DPF3: variants seen among roughly 807,000 people sequenced by gnomAD.
DPF3 encodes the protein zinc finger protein DPF3.
In DPF3, 18 loss-of-function variants were observed where a neutral mutation model predicts 56.8. The observed-to-expected ratio is 0.32, with a 90% CI of 0.22 to 0.47. The LOEUF is 0.47. DPF3 is among the 20% of genes least tolerant of loss of function. DPF3 has a pLI of 1.00. For synonymous variants in DPF3, 188 were observed against 180.2 expected (o/e 1.04, Z -0.35); for missense variants, 403 against 488.8 (o/e 0.82, Z 1.65).
rs574066727 is a variant in DPF3 at position 72,893,065 on chromosome 14, T to C, written c.32+992A>G. 6.4e-4 allele frequency among the ~76,000 whole-genome samples: 98 copies of C among 152,246 alleles called. 2 individuals are homozygous for C. The East Asian group carries it at 8.7e-3, about 14-fold the overall frequency. ...AAGGCAGGCAGGCAGAAATTGGCTGTTGGACCCGGGGCTGGCCCCCGCGAG... is the reference window on the plus strand; with the variant it reads ...AAGGCAGGCAGGCAGAAATTGGCTGCTGGACCCGGGGCTGGCCCCCGCGAG... On this transcript the variant is annotated intron_variant, in intron 1 of 10. Transcript: ENST00000556509.
intron 1 of DPF3, among the ~76,000 whole-genome samples, chr14:72,871,029 C>T: frequency 6.6e-6 from 1 of 151,916 alleles, no homozygotes; most frequent in Non-Finnish European, 1.5e-5. Context: ...GCACTTCTTA[C>T]ATGGTGGCAG....
intron 3 of DPF3, among the ~76,000 whole-genome samples, chr14:72,745,890 C>T (rs892867903): frequency 1.3e-5 from 2 of 152,180 alleles, no homozygotes; most frequent in African/African-American, 4.8e-5. Context: ...TGTTAACCCT[C>T]CTGAGGGAGG....
At chr14:72,880,258 T>C (rs1284898349) in intron 1 of DPF3, among the ~76,000 whole-genome samples, 1 of 152,232 alleles carries the variant, frequency 6.6e-6, no homozygotes, top group East Asian at 1.9e-4. Flanking sequence ...GAGTGTCTTC[T>C]CAGCCTCCTG....
chr14:72,806,115 A>G (rs1260638451), intron 1 of DPF3: 3 of 152,226 alleles, frequency 2.0e-5, no homozygotes, highest in Admixed American at 1.3e-4. Context: ...CAAAGGGCCT[A>G]TCTAGCAATG....
intron 1 of DPF3, among the ~76,000 whole-genome samples, chr14:72,785,308 T>A (rs887452577): frequency 2.0e-5 from 3 of 152,118 alleles, no homozygotes; most frequent in Admixed American, 6.5e-5. Context: ...CAACTTGTAA[T>A]TGTATTATTC....
At chr14:72,670,598 T>C (rs1187396517) in intron 8 of DPF3, 4 of 988,150 alleles carry the variant, frequency 4.0e-6, no homozygotes, top group African/African-American at 1.7e-5. Flanking sequence ...GCGGCTTGCC[T>C]CTAAACAGGA....
intron 1 of DPF3, among the ~76,000 whole-genome samples, chr14:72,804,178 AG>A (rs1333342692): frequency 7.7e-6 from 1 of 130,630 alleles, no homozygotes; most frequent in African/African-American, 3.5e-5. Context: ...ACTGCTTTCC[AG>A]GACACACACA....
intron 6 of DPF3, among the ~76,000 whole-genome samples, chr14:72,701,480 C>T (rs1244042221): frequency 2.6e-4 from 39 of 152,194 alleles, no homozygotes; most frequent in Non-Finnish European, 4.4e-5. Flanking sequence ...CCTTCAGTGC[C>T]GCTCCAAAAT....
At position 72,823,791 on chromosome 14, in the gene DPF3, G is replaced by A. The variant is rs544235395; in HGVS notation, c.33-51898C>T. Among the ~76,000 whole-genome samples the A allele has an allele frequency of 2.1e-4, 32 of 152,344 alleles. 1 individual carries two copies. The South Asian group carries it at 5.2e-3, about 25-fold the overall frequency. ...ATACTTGTTTGCAATAAAACAGAGA[G>A]TAGGAAACTCCATTCTTACCTTCAT... On this transcript the variant is annotated intron_variant, in intron 1 of 10. Transcript: ENST00000556509.
At chr14:72,774,890 G>A (rs1891689968) in intron 1 of DPF3, among the ~76,000 whole-genome samples, 2 of 152,144 alleles carry the variant, frequency 1.3e-5, no homozygotes, top group Non-Finnish European at 1.5e-5. Context: ...CAAAAATAAA[G>A]AACCACTTTT....
At position 72,612,495 on chromosome 14, in the gene DPF3, T is replaced by C. The variant is rs1883791460; in HGVS notation, c.*6802A>G. The stretch of plus-strand genomic sequence containing the variant: ...ACATGTTGAAAATGTGCACGGGGTA[T>C]ATTTTCTTTTTCCTATACGCCACTG... On this transcript the variant is annotated 3_prime_UTR_variant, in exon 11 of 11. Coordinates refer to ENST00000556509, the MANE Select transcript of DPF3 (RefSeq NM_001280542.3). 1 of 518,892 alleles carries C rather than the reference T, an allele frequency of 1.9e-6. No individual in the cohort carries two copies. The highest frequency in any genetic ancestry group is 3.8e-6 in the Non-Finnish European group (1 of 259,854). 32.1% of individuals were successfully genotyped at this position (518,892 alleles called of 1,614,324 possible).
At chr14:72,799,063 C>T (rs749961829) in intron 1 of DPF3, among the ~76,000 whole-genome samples, 31 of 152,116 alleles carry the variant, frequency 2.0e-4, no homozygotes, top group Non-Finnish European at 4.0e-4. Context: ...TGGGGCTGGA[C>T]AGAAGACATC....
At chr14:72,832,166 A>G (rs566554021) in intron 1 of DPF3, among the ~76,000 whole-genome samples, 2 of 152,328 alleles carry the variant, frequency 1.3e-5, no homozygotes, top group East Asian at 1.9e-4. Context: ...GCAATGAGCT[A>G]TGATTGCACT....
At chr14:72,770,916 C>T (rs1891497624) in intron 2 of DPF3, among the ~76,000 whole-genome samples, 1 of 152,166 alleles carries the variant, frequency 6.6e-6, no homozygotes, top group Admixed American at 6.5e-5. Context: ...CAGTGGCTCA[C>T]GCCTGTAATC....
intron 8 of DPF3, chr14:72,670,131 C>G: frequency 1.0e-6 from 1 of 985,820 alleles, no homozygotes; most frequent in Non-Finnish European, 1.2e-6. Context: ...AATACGGTAG[C>G]CTTGATCATC....
chr14:72,826,050 G>A (rs1006613047), intron 1 of DPF3, among the ~76,000 whole-genome samples: 5 of 152,156 alleles, frequency 3.3e-5, no homozygotes, highest in African/African-American at 9.7e-5. Flanking sequence ...CATTGATCTC[G>A]GCGGGCTCTT....
intron 1 of DPF3, among the ~76,000 whole-genome samples, chr14:72,782,048 T>C (rs1255185812): frequency 3.3e-5 from 5 of 152,160 alleles, no homozygotes; most frequent in African/African-American, 1.2e-4. Flanking sequence ...TGATCGCCTA[T>C]AGAAGCAGAC....
At chr14:72,878,001 G>A (rs1348102209) in intron 1 of DPF3, among the ~76,000 whole-genome samples, 9 of 152,216 alleles carry the variant, frequency 5.9e-5, no homozygotes. Flanking sequence ...TAGGTTGCTA[G>A]TGCAATATGA....
intron 1 of DPF3, among the ~76,000 whole-genome samples, chr14:72,883,035 G>A (rs1361691226): frequency 6.6e-6 from 1 of 152,220 alleles, no homozygotes; most frequent in Admixed American, 6.5e-5. Flanking sequence ...GTTGTGGGAT[G>A]AAGGAACTCC....
Sources: allele counts gnomAD v4.1 joint callset (sites outside exome capture counted in the v4.1 genomes callset), GRCh38; gene constraint gnomAD v4.1.1; transcripts MANE v1.5; gene names NCBI Gene and HGNC (gene_info 2026-07-23, HGNC 2026-07-21).